The following DTD1 variants were observed in gnomAD, a reference collection of about 807,000 sequenced individuals.
DTD1 encodes the protein D-tyrosyl-tRNA deacylase 1 homolog.
In DTD1, 13 loss-of-function variants were observed where a neutral mutation model predicts 25.6. The observed-to-expected ratio is 0.51, with a 90% CI of 0.33 to 0.81. DTD1 has a LOEUF of 0.81. Ranked by LOEUF, DTD1 falls within the 30% of genes least tolerant of loss-of-function variation. The pLI is 0.02. For missense variants in DTD1, 193 were observed against 266.4 expected, an observed-to-expected ratio of 0.72 and a Z score of 1.92; for synonymous variants, 110 against 103.6, an observed-to-expected ratio of 1.06 and a Z score of -0.37.
chr20:18,626,216 C>T (rs553396306), intron 3 of DTD1, among the ~76,000 whole-genome samples: 29 of 152,312 alleles, frequency 1.9e-4, no homozygotes, highest in African/African-American at 6.5e-4. Context: ...GGACAACTGT[C>T]CTGTTGCACC....
chr20:18,742,023 C>G (rs968628994), intron 4 of DTD1, among the ~76,000 whole-genome samples: 1 of 151,834 alleles, frequency 6.6e-6, no homozygotes, highest in African/African-American at 2.4e-5. Context: ...CAGGCATGAG[C>G]CACCACCTCT....
intron 4 of DTD1, among the ~76,000 whole-genome samples, chr20:18,649,251 G>C (rs6081276): frequency 0.13 from 19,166 of 150,468 alleles, 1,575 homozygotes; most frequent in South Asian, 0.18. Flanking sequence ...AGTATGTCCA[G>C]GGGAAGTGGT....
At chr20:18,638,292 G>A (rs1275931300) in intron 4 of DTD1, among the ~76,000 whole-genome samples, 1 of 152,078 alleles carries the variant, frequency 6.6e-6, no homozygotes, top group Non-Finnish European at 1.5e-5. Context: ...TGCTTGCTCT[G>A]TGCTGGCCCT....
At chr20:18,612,662 CT>C (rs1054929835) in intron 3 of DTD1, among the ~76,000 whole-genome samples, 3 of 151,058 alleles carry the variant, frequency 2.0e-5, no homozygotes, top group Non-Finnish European at 4.4e-5. Context: ...TGTTATCTTT[CT>C]TTTTTTTTAT....
intron 4 of DTD1, among the ~76,000 whole-genome samples, chr20:18,661,650 C>T (rs1172655361): frequency 6.6e-6 from 1 of 152,098 alleles, no homozygotes; most frequent in African/African-American, 2.4e-5. Flanking sequence ...GGATTAGAGG[C>T]GTGAGCCACT....
At chr20:18,705,683 G>A (rs561955224) in intron 4 of DTD1, among the ~76,000 whole-genome samples, 7 of 152,280 alleles carry the variant, frequency 4.6e-5, no homozygotes, top group South Asian at 2.1e-4. Context: ...TGATTCCACC[G>A]TCTTGGTGGT....
At chr20:18,677,812 A>G (rs1194515583) in intron 4 of DTD1, among the ~76,000 whole-genome samples, 1 of 151,686 alleles carries the variant, frequency 6.6e-6, no homozygotes, top group Non-Finnish European at 1.5e-5. Context: ...ATACAACTGC[A>G]AAGACAAAGT....
intron 4 of DTD1, among the ~76,000 whole-genome samples, chr20:18,710,511 T>C (rs1841294364): frequency 6.6e-6 from 1 of 152,252 alleles, no homozygotes; most frequent in Non-Finnish European, 1.5e-5. Flanking sequence ...TCAGTCAGTT[T>C]ATTATTCATA....
rs1026005214 is a variant in DTD1, at chr20:18,717,295, T to G, written c.478-26805T>G. 3.3e-4 allele frequency among the ~76,000 whole-genome samples: 50 copies of G among 152,322 alleles called. 1 individual carries two copies. Among genetic ancestry groups the G allele is most frequent in the African/African-American group, 1.2e-3 (50 of 41,566 alleles). On this transcript the variant is annotated intron_variant, in intron 4 of 5. Transcript: ENST00000377452. ...GGAAGTGGCTACAAAATGATTACAGTGGTACAGTATGTACCACAGTTAGTT... is the reference window on the plus strand; with the variant it reads ...GGAAGTGGCTACAAAATGATTACAGGGGTACAGTATGTACCACAGTTAGTT...
At chr20:18,748,241 A>G (rs2061308440) in intron 5 of DTD1, among the ~76,000 whole-genome samples, 1 of 152,068 alleles carries the variant, frequency 6.6e-6, no homozygotes, top group Non-Finnish European at 1.5e-5. Flanking sequence ...TATTTTCAAA[A>G]CAGCTTAAAA....
At position 18,753,226 on chromosome 20, in the gene DTD1, C is replaced by T. The variant is rs1204512808; in HGVS notation, c.*19+8955C>T. Among the ~76,000 whole-genome samples the T allele has an allele frequency of 3.9e-5, 6 of 152,182 alleles. No individual in the cohort carries two copies. In the East Asian group the frequency reaches 9.6e-4, roughly 24 times the overall value. On this transcript the variant is annotated intron_variant, in intron 5 of 5. Transcript: ENST00000377452. The stretch of plus-strand genomic sequence containing the variant: ...ATACAGCTAGTGGCTGCTATTCTAT[C>T]ATTGCAGAAAATTCAACTAAACAGC...
At chr20:18,651,697 A>C (rs1278948011) in intron 4 of DTD1, among the ~76,000 whole-genome samples, 3 of 152,118 alleles carry the variant, frequency 2.0e-5, no homozygotes, top group Non-Finnish European at 2.9e-5. Context: ...TTTTCTGGAG[A>C]GTGGTCTGAG....
At chr20:18,759,207 C>T (rs2061351389) in intron 5 of DTD1, among the ~76,000 whole-genome samples, 1 of 152,148 alleles carries the variant, frequency 6.6e-6, no homozygotes, top group South Asian at 2.1e-4. Context: ...CAGTCTGTGT[C>T]TTTGAATTGG....
chr20:18,691,591 C>T (rs2061047682), intron 4 of DTD1, among the ~76,000 whole-genome samples: 1 of 152,084 alleles, frequency 6.6e-6, no homozygotes, highest in Non-Finnish European at 1.5e-5. Flanking sequence ...ATGGGAACAG[C>T]AGACACTGGA....
At chr20:18,740,888 T>C (rs548467110) in intron 4 of DTD1, among the ~76,000 whole-genome samples, 2 of 152,336 alleles carry the variant, frequency 1.3e-5, no homozygotes, top group East Asian at 3.9e-4. Context: ...CCTGTTATTT[T>C]AGATGCAGGA....
intron 4 of DTD1, among the ~76,000 whole-genome samples, chr20:18,632,872 G>C (rs1238480692): frequency 5.3e-5 from 8 of 152,082 alleles, no homozygotes; most frequent in African/African-American, 1.9e-4. Context: ...CCATGTGCAT[G>C]TGCATGTGGG....
chr20:18,619,272 T>C (rs2060723503), intron 3 of DTD1, among the ~76,000 whole-genome samples: 1 of 152,230 alleles, frequency 6.6e-6, no homozygotes, highest in Admixed American at 6.5e-5. Flanking sequence ...AGGGACTGTT[T>C]GCTGGGTAGA....
intron 4 of DTD1, among the ~76,000 whole-genome samples, chr20:18,706,755 T>C (rs1263399846): frequency 6.6e-6 from 1 of 152,240 alleles, no homozygotes; most frequent in Non-Finnish European, 1.5e-5. Context: ...AAAAACATTT[T>C]GTGTGAATTA....
chr20:18,665,111 TAAG>T (rs2122379229), intron 4 of DTD1, among the ~76,000 whole-genome samples: 1 of 152,354 alleles, frequency 6.6e-6, no homozygotes, highest in African/African-American at 2.4e-5. Context: ...AGCTAACTTA[TAAG>T]TAGTGAACGG....
Sources: gnomAD v4.1 joint callset for allele counts (sites outside exome capture counted in the v4.1 genomes callset) on GRCh38, gnomAD v4.1.1 for gene constraint, MANE v1.5 for transcripts, NCBI Gene and HGNC (gene_info 2026-07-23, HGNC 2026-07-21) for gene names.